The following RGS12 variants were observed in gnomAD, a reference collection of about 807,000 sequenced individuals.
RGS12 encodes regulator of G-protein signaling 12.
RGS12 carries 66 observed loss-of-function variants against 120.1 expected under a neutral mutation model. The ratio of observed to expected loss-of-function variants is 0.55; its 90% CI spans 0.45 to 0.67. RGS12 has a LOEUF of 0.67. Among genes scored for constraint, RGS12 ranks in the 30% least tolerant of loss-of-function variants. RGS12 has a pLI of 0.00. For missense variants in RGS12, 1,859 were observed against 1,957.7 expected, an observed-to-expected ratio of 0.95 and a Z score of 0.95; for synonymous variants, 827 against 804.7, an observed-to-expected ratio of 1.03 and a Z score of -0.47.
rs867427856 is a variant in RGS12, at chr4:3,293,108, G to C, written c.-102+9G>C. On this transcript the variant is annotated intron_variant, in intron 1 of 17. Transcript: ENST00000336727. ...GCGAGCGGCGCGGCCCGGTAGGTGT[G>C]CGGGGCCGGGGCCGGGGCGGGGGCA... The C allele has an allele frequency of 1.4e-5, 2 of 146,548 alleles. No individual in the cohort carries two copies. The highest frequency in any genetic ancestry group is 3.0e-5 in the Non-Finnish European group (2 of 65,872). 9.1% of individuals were successfully genotyped at this position (146,548 alleles called of 1,614,324 possible). A position where few individuals can be genotyped will look rare whatever the true frequency, so the allele number is the denominator to read the frequency against.
chr4:3,302,688 C>T (rs1394357947), intron 1 of RGS12, among the ~76,000 whole-genome samples: 1 of 152,184 alleles, frequency 6.6e-6, no homozygotes, highest in African/African-American at 2.4e-5. Flanking sequence ...GGGAGGCGCC[C>T]CAGGAGTGAA....
chr4:3,357,495 T>A (rs1715003775), intron 3 of RGS12, among the ~76,000 whole-genome samples: 1 of 152,178 alleles, frequency 6.6e-6, no homozygotes, highest in South Asian at 2.1e-4. Context: ...AGTTTTATAG[T>A]TTCAGGTGTT....
At chr4:3,337,520 G>A (rs1174965634) in intron 2 of RGS12, among the ~76,000 whole-genome samples, 1 of 152,190 alleles carries the variant, frequency 6.6e-6, no homozygotes. Flanking sequence ...CCATACCGCG[G>A]AATATTATTC....
intron 1 of RGS12, among the ~76,000 whole-genome samples, chr4:3,298,461 CT>C (rs1723500707): frequency 6.6e-6 from 1 of 152,204 alleles, no homozygotes; most frequent in Non-Finnish European, 1.5e-5. Flanking sequence ...AGCGATCCCC[CT>C]GCCTCAACCT....
rs144535336 is a variant in RGS12 at position 3,336,481 on chromosome 4, G to A, written c.1882-6456G>A. On this transcript the variant is annotated intron_variant, in intron 2 of 17. Coordinates refer to ENST00000336727, the MANE Select transcript of RGS12 (RefSeq NM_001394154.1). ...ATTGCCTCTTTTTGGAAATACCTTCGGATGATCTGGTCTCTCTTTTAAGCT... is the reference window on the plus strand; with the variant it reads ...ATTGCCTCTTTTTGGAAATACCTTCAGATGATCTGGTCTCTCTTTTAAGCT... Among the ~76,000 whole-genome samples, 45 of 152,254 alleles carry A rather than the reference G, an allele frequency of 3.0e-4. No individual in the cohort carries two copies. In the East Asian group the frequency reaches 8.7e-3, roughly 29 times the overall value.
At chr4:3,394,632 G>C (rs1333952317) in intron 4 of RGS12, among the ~76,000 whole-genome samples, 4 of 152,180 alleles carry the variant, frequency 2.6e-5, no homozygotes, top group Non-Finnish European at 5.9e-5. Context: ...ATGCATTTTT[G>C]TTGCAATTGT....
At chr4:3,311,316 C>A (rs935441445) in intron 1 of RGS12, among the ~76,000 whole-genome samples, 1 of 152,186 alleles carries the variant, frequency 6.6e-6, no homozygotes, top group African/African-American at 2.4e-5. Flanking sequence ...ACCTGCAGGT[C>A]TTGGGTGCTG....
At chr4:3,343,760 C>T (rs1713503309) in intron 3 of RGS12, among the ~76,000 whole-genome samples, 1 of 152,048 alleles carries the variant, frequency 6.6e-6, no homozygotes, top group African/African-American at 2.4e-5. Context: ...GTTTACCCTG[C>T]ACCCTCCCGT....
chr4:3,289,664 T>C (rs757405869), upstream of RGS12, among the ~76,000 whole-genome samples: 2 of 152,188 alleles, frequency 1.3e-5, no homozygotes, highest in Non-Finnish European at 2.9e-5. Flanking sequence ...CACATCCCAT[T>C]TTTTGTGATG....
At chr4:3,349,846 A>T (rs1054151755) in intron 3 of RGS12, among the ~76,000 whole-genome samples, 1 of 152,226 alleles carries the variant, frequency 6.6e-6, no homozygotes, top group East Asian at 1.9e-4. Context: ...GTGTTCAGCA[A>T]TGTATGTTTT....
At chr4:3,355,180 TA>T (rs941429003) in intron 3 of RGS12, among the ~76,000 whole-genome samples, 6 of 152,120 alleles carry the variant, frequency 3.9e-5, no homozygotes, top group African/African-American at 9.7e-5. Flanking sequence ...ACAGAATACA[TA>T]AAAAAAGTAT....
At chr4:3,292,951 C>T (rs1198782131), upstream of RGS12, 1 of 139,532 alleles carries the variant, frequency 7.2e-6, no homozygotes, top group Non-Finnish European at 1.7e-5. Context: ...ACCAGGTTCG[C>T]CCCGCCCCTC....
chr4:3,370,094 A>G (rs1716808121), intron 3 of RGS12: 1 of 1,335,306 alleles, frequency 7.5e-7, no homozygotes, highest in South Asian at 2.5e-5. Context: ...ATTGAGATAG[A>G]GTCTGAAACC....
chr4:3,364,727 C>T (rs1395651385), intron 3 of RGS12, among the ~76,000 whole-genome samples: 1 of 152,008 alleles, frequency 6.6e-6, no homozygotes, highest in Non-Finnish European at 1.5e-5. Context: ...GTGACAGAAG[C>T]TTTGGGTAAA....
At chr4:3,303,803 C>T (rs1723816066) in intron 1 of RGS12, among the ~76,000 whole-genome samples, 1 of 152,258 alleles carries the variant, frequency 6.6e-6, no homozygotes, top group Non-Finnish European at 1.5e-5. Context: ...TTTCTGAATG[C>T]TACTTCCTTT....
At chr4:3,400,611 TTATA>T (rs1002317258) in intron 4 of RGS12, among the ~76,000 whole-genome samples, 4 of 149,804 alleles carry the variant, frequency 2.7e-5, no homozygotes, top group Admixed American at 2.7e-4. Context: ...TTATTATATA[TTATA>T]TATTCTATTA....
intron 3 of RGS12, among the ~76,000 whole-genome samples, chr4:3,358,051 C>T (rs1715059972): frequency 6.6e-6 from 1 of 152,172 alleles, no homozygotes; most frequent in Non-Finnish European, 1.5e-5. Context: ...TTTCATTGTA[C>T]AAGTCTTTCA....
At chr4:3,357,749 A>G (rs1715025840) in intron 3 of RGS12, among the ~76,000 whole-genome samples, 1 of 152,094 alleles carries the variant, frequency 6.6e-6, no homozygotes, top group South Asian at 2.1e-4. Flanking sequence ...CCAGTGCCAC[A>G]CTGTTTTGAT....
chr4:3,343,633 C>G (rs1047646875), intron 3 of RGS12, among the ~76,000 whole-genome samples: 1 of 151,968 alleles, frequency 6.6e-6, no homozygotes, highest in Non-Finnish European at 1.5e-5. Flanking sequence ...GCAGCTCACA[C>G]GAGGGTTCCT....
Sources: allele counts gnomAD v4.1 joint callset (sites outside exome capture counted in the v4.1 genomes callset), GRCh38; gene constraint gnomAD v4.1.1; transcripts MANE v1.5; gene names NCBI Gene and HGNC (gene_info 2026-07-23, HGNC 2026-07-21).